The following REC114 variants were observed in gnomAD, a reference collection of about 807,000 sequenced individuals.
REC114 encodes REC114 meiotic recombination protein.
In REC114, 27 loss-of-function variants were observed where a neutral mutation model predicts 31.3. The observed-to-expected ratio is 0.86, with a 90% CI of 0.64 to 1.19. The LOEUF is 1.19. REC114 is among the 50% of genes most tolerant of loss of function. The pLI is 0.00. For synonymous variants in REC114, 134 were observed against 127.7 expected, an observed-to-expected ratio of 1.05 and a Z score of -0.33; for missense variants, 344 against 326.9, an observed-to-expected ratio of 1.05 and a Z score of -0.40.
chr15:73,529,390 G>A (rs1248252778), intron 2 of REC114, among the ~76,000 whole-genome samples: 1 of 152,026 alleles, frequency 6.6e-6, no homozygotes, highest in East Asian at 1.9e-4. Flanking sequence ...CACCTGCCTC[G>A]GCCTCCCAAA....
In REC114 at chr15:73,456,282, G is replaced by C. The variant is rs188089249; in HGVS notation, c.159+12938G>C. On this transcript the variant is annotated intron_variant, in intron 1 of 5. Coordinates refer to ENST00000331090, the MANE Select transcript of REC114 (RefSeq NM_001042367.2). ...TTTTAAAGTTTTACCATGTTTTTCA[G>C]ATTTCAAGGATTTCTCAGACATGCC... Among the ~76,000 whole-genome samples, 422 of 151,866 alleles carry C rather than the reference G, an allele frequency of 2.8e-3. 3 individuals carry two copies. Among genetic ancestry groups the C allele is most frequent in the Non-Finnish European group, 3.5e-3 (235 of 67,948 alleles).
Position 73,473,821 on chromosome 15 carries a change from T to C in REC114, c.160-11T>C. 1 of 1,494,014 alleles carries C rather than the reference T, an allele frequency of 6.7e-7. No individual in the cohort carries two copies. Among genetic ancestry groups the C allele is most frequent in the Non-Finnish European group, 9.2e-7 (1 of 1,091,538 alleles). 92.5% of individuals were successfully genotyped at this position (1,494,014 alleles called of 1,614,324 possible). The stretch of plus-strand genomic sequence containing the variant: ...TATCTTTTACATATTTTTCTCCTTC[T>C]CCCTTTCAAGGTTTTTGATTCCAAT... On this transcript the variant is annotated splice_polypyrimidine_tract_variant and intron_variant, in intron 1 of 5. Coordinates refer to ENST00000331090, the MANE Select transcript of REC114 (RefSeq NM_001042367.2).
At chr15:73,547,232 TG>T (rs1894322956) in intron 3 of REC114, among the ~76,000 whole-genome samples, 1 of 152,210 alleles carries the variant, frequency 6.6e-6, no homozygotes, top group East Asian at 1.9e-4. Context: ...GATTAAAAAA[TG>T]GGCAAAAGAT....
chr15:73,510,439 T>C (rs1374144380), intron 2 of REC114, among the ~76,000 whole-genome samples: 4 of 151,228 alleles, frequency 2.6e-5, no homozygotes, highest in Non-Finnish European at 5.9e-5. Flanking sequence ...TTTATTTCCT[T>C]CTCCTGACTA....
intron 2 of REC114, among the ~76,000 whole-genome samples, chr15:73,479,133 T>A (rs1441235385): frequency 6.6e-6 from 1 of 151,650 alleles, no homozygotes; most frequent in Non-Finnish European, 1.5e-5. Flanking sequence ...TTGCCTTGTT[T>A]CCCCATCTTA....
At chr15:73,448,316 A>C (rs1892796746) in intron 1 of REC114, among the ~76,000 whole-genome samples, 1 of 152,108 alleles carries the variant, frequency 6.6e-6, no homozygotes, top group Non-Finnish European at 1.5e-5. Flanking sequence ...GGTGGGGGGA[A>C]GGGCATCCGC....
chr15:73,453,498 G>C (rs1316764453), intron 1 of REC114, among the ~76,000 whole-genome samples: 1 of 152,164 alleles, frequency 6.6e-6, no homozygotes, highest in African/African-American at 2.4e-5. Context: ...TGGAGAAATA[G>C]GAACGCTTTT....
chr15:73,494,559 CT>C, intron 2 of REC114, among the ~76,000 whole-genome samples: 1 of 149,148 alleles, frequency 6.7e-6, no homozygotes, highest in Admixed American at 6.6e-5. Context: ...AATTATTTTT[CT>C]TTTTTTCTAA....
intron 2 of REC114, among the ~76,000 whole-genome samples, chr15:73,535,519 TAAAAG>T (rs754917586): frequency 3.3e-5 from 5 of 150,000 alleles, no homozygotes; most frequent in Non-Finnish European, 7.4e-5. Flanking sequence ...CTCAAGGAAA[TAAAAG>T]AGGATACAAA....
At chr15:73,445,058 G>T (rs768404912) in intron 1 of REC114, among the ~76,000 whole-genome samples, 1 of 152,172 alleles carries the variant, frequency 6.6e-6, no homozygotes, top group Non-Finnish European at 1.5e-5. Flanking sequence ...AAACAAATGT[G>T]CTATCATCCA....
intron 2 of REC114, among the ~76,000 whole-genome samples, chr15:73,527,872 G>A (rs1043563727): frequency 2.0e-5 from 3 of 151,960 alleles, no homozygotes; most frequent in African/African-American, 7.3e-5. Context: ...GTGTGATGTC[G>A]TTATCTATAC....
At chr15:73,462,884 CAAAA>C (rs769569268) in intron 1 of REC114, among the ~76,000 whole-genome samples, 4 of 55,656 alleles carry the variant, frequency 7.2e-5, no homozygotes, top group African/African-American at 7.1e-5. Flanking sequence ...GACTCCGTCT[CAAAA>C]AAAAAAAAAA....
At position 73,525,166 on chromosome 15, in the gene REC114, C is replaced by T. The variant is rs373554044; in HGVS notation, c.250-15319C>T. Among the ~76,000 whole-genome samples the T allele has an allele frequency of 1.8e-4, 28 of 152,294 alleles. No homozygotes were observed. In the South Asian group the frequency reaches 5.4e-3, roughly 29 times the overall value. ...CTGGAGGGCCAAAGTGCAGGGATTA[C>T]AGACATGAGCCAAGTTGTACTATTC... On this transcript the variant is annotated intron_variant, in intron 2 of 5. Transcript: ENST00000331090.
intron 5 of REC114, among the ~76,000 whole-genome samples, chr15:73,557,374 T>G (rs1450604353): frequency 6.6e-6 from 1 of 150,534 alleles, no homozygotes; most frequent in African/African-American, 2.4e-5. Context: ...CCGGCCACAT[T>G]TTCTTTTAAT....
intron 4 of REC114, among the ~76,000 whole-genome samples, chr15:73,554,179 AGAT>A (rs1242284237): frequency 6.6e-6 from 1 of 152,256 alleles, no homozygotes; most frequent in Non-Finnish European, 1.5e-5. Context: ...GCTGCAGAGC[AGAT>A]GATAAGTTAA....
chr15:73,473,940 A>G lies in REC114; in HGVS notation c.249+19A>G. 1 of 1,429,984 alleles carries G rather than the reference A, an allele frequency of 7.0e-7. No homozygotes were observed. Among genetic ancestry groups the G allele is most frequent in the Non-Finnish European group, 9.7e-7 (1 of 1,033,120 alleles). The allele number at this position is 1,429,984 out of a possible 1,614,324, so 88.6% of individuals were successfully genotyped here. ...ACTACTGGTAGGTTTTATGCATAAC[A>G]GTTTAATATGGAAATACATCTTTGT... On this transcript the variant is annotated intron_variant, in intron 2 of 5. Transcript: ENST00000331090.
rs1423602807 is a variant in REC114 at position 73,491,317 on chromosome 15, TA to T, written c.249+17397del. On this transcript the variant is annotated intron_variant, in intron 2 of 5. Coordinates refer to ENST00000331090, the MANE Select transcript of REC114 (RefSeq NM_001042367.2). ...TGTATTTTCTTAATTTCTTTTTGTA[TA>T]TATAAGTATTTGTGTATTATCTTAA... Among the ~76,000 whole-genome samples, 18 of 13,810 alleles carry T rather than the reference TA, an allele frequency of 1.3e-3. 1 individual carries two copies. Among genetic ancestry groups the T allele is most frequent in the African/African-American group, 3.0e-3 (18 of 6,100 alleles). The allele number at this position is 13,810 out of a possible 152,430, so 9.1% of individuals were successfully genotyped here. A position where few individuals can be genotyped will look rare whatever the true frequency, so the allele number is the denominator to read the frequency against.
chr15:73,449,138 A>G (rs553549588), intron 1 of REC114, among the ~76,000 whole-genome samples: 12 of 152,176 alleles, frequency 7.9e-5, no homozygotes, highest in Non-Finnish European at 2.9e-5. Flanking sequence ...AACTGGATGG[A>G]CAATGAGTTT....
chr15:73,523,527 A>G (rs868716571), intron 2 of REC114, among the ~76,000 whole-genome samples: 4 of 152,250 alleles, frequency 2.6e-5, no homozygotes, highest in East Asian at 1.9e-4. Context: ...TTGTCTGCCT[A>G]TGAAGCTAGG....
Sources: gnomAD v4.1 joint callset for allele counts (sites outside exome capture counted in the v4.1 genomes callset) on GRCh38, gnomAD v4.1.1 for gene constraint, MANE v1.5 for transcripts, NCBI Gene and HGNC (gene_info 2026-07-23, HGNC 2026-07-21) for gene names.